Variants in NCOA7 observed in about 807,000 individuals in gnomAD.
NCOA7 encodes the protein nuclear receptor coactivator 7.
A neutral mutation model predicts 104.3 loss-of-function variants in NCOA7; 45 were observed. That is an observed-to-expected ratio of 0.43 (90% CI 0.34 to 0.55). NCOA7 has a LOEUF of 0.55. Ranked by LOEUF, NCOA7 falls within the 20% of genes least tolerant of loss-of-function variation. The pLI is 0.02. For synonymous variants in NCOA7, 398 were observed against 402.3 expected (o/e 0.99, Z 0.13); for missense variants, 1,041 against 1,119.7 (o/e 0.93, Z 1.00).
intron 10 of NCOA7, among the ~76,000 whole-genome samples, chr6:125,914,849 G>C (rs576672045): frequency 1.3e-5 from 2 of 152,168 alleles, no homozygotes; most frequent in African/African-American, 4.8e-5. Flanking sequence ...TAAAATAGTA[G>C]CCAGTATTAT....
At chr6:125,802,248 GT>G (rs1775965594) in intron 1 of NCOA7, 1 of 152,176 alleles carries the variant, frequency 6.6e-6, no homozygotes, top group African/African-American at 2.4e-5. Context: ...TTGTGATAAT[GT>G]TGCATAATTG....
intron 1 of NCOA7, among the ~76,000 whole-genome samples, chr6:125,799,846 ATGT>A (rs775154938): frequency 2.2e-4 from 34 of 152,162 alleles, no homozygotes; most frequent in Admixed American, 1.8e-3. Context: ...GGAAAATCGG[ATGT>A]TGTTGTGTTG....
intron 10 of NCOA7, among the ~76,000 whole-genome samples, chr6:125,914,203 T>C (rs1402300307): frequency 1.3e-5 from 2 of 152,012 alleles, no homozygotes; most frequent in African/African-American, 4.8e-5. Flanking sequence ...ACAAACAAAC[T>C]AAATATCCTG....
At position 125,930,831 on chromosome 6, in the gene NCOA7, T is replaced by C. The variant is rs1057315902; in HGVS notation, c.*2060T>C. 1 of 152,462 alleles carries C rather than the reference T, an allele frequency of 6.6e-6. No homozygotes were observed. The highest frequency in any genetic ancestry group is 2.1e-4 in the South Asian group (1 of 4,836). 9.4% of individuals were successfully genotyped at this position (152,462 alleles called of 1,614,324 possible). Reference sequence around the variant, plus strand: ...TTAAATAATGTGTTGGTGTGAGATATCAGGAATGTCTCATGATATCACGTT... The same window carrying C: ...TTAAATAATGTGTTGGTGTGAGATACCAGGAATGTCTCATGATATCACGTT... On this transcript the variant is annotated 3_prime_UTR_variant, in exon 16 of 16. Coordinates refer to ENST00000392477, the MANE Select transcript of NCOA7 (RefSeq NM_181782.5).
At chr6:125,916,094 GGT>G (rs1294713702) in intron 11 of NCOA7, among the ~76,000 whole-genome samples, 1 of 152,168 alleles carries the variant, frequency 6.6e-6, no homozygotes, top group African/African-American at 2.4e-5. Context: ...GGAGGCACCT[GGT>G]GGGAGGTGAT....
At chr6:125,904,063 G>C (rs1360297534) in intron 10 of NCOA7, among the ~76,000 whole-genome samples, 2 of 152,132 alleles carry the variant, frequency 1.3e-5, no homozygotes, top group African/African-American at 2.4e-5. Context: ...CACTGGGACT[G>C]CCCCACCACA....
chr6:125,804,467 G>A (rs1252170797), intron 1 of NCOA7, among the ~76,000 whole-genome samples: 1 of 152,156 alleles, frequency 6.6e-6, no homozygotes, highest in Non-Finnish European at 1.5e-5. Context: ...ACCCAGTAGT[G>A]ATTGATGGTG....
intron 1 of NCOA7, among the ~76,000 whole-genome samples, chr6:125,805,739 A>G (rs930547739): frequency 2.6e-5 from 4 of 152,306 alleles, no homozygotes; most frequent in South Asian, 2.1e-4. Flanking sequence ...TCATCTTTGT[A>G]TTCACTAGGT....
At chr6:125,786,201 C>A (rs1335671905), upstream of NCOA7, 1 of 152,148 alleles carries the variant, frequency 6.6e-6, no homozygotes, top group Non-Finnish European at 1.5e-5. Context: ...GTGTCCCAAC[C>A]GGCCTGAGTC....
chr6:125,788,246 T>C (rs568548877), upstream of NCOA7, among the ~76,000 whole-genome samples: 1 of 152,228 alleles, frequency 6.6e-6, no homozygotes, highest in East Asian at 1.9e-4. Context: ...AATTTAAATT[T>C]AAACGGCTAC....
chr6:125,879,696 A>G (rs1282633097), intron 5 of NCOA7, among the ~76,000 whole-genome samples: 4 of 152,146 alleles, frequency 2.6e-5, no homozygotes, highest in Non-Finnish European at 5.9e-5. Flanking sequence ...ATTAAAGGTC[A>G]TCATTTTAAG....
chr6:125,889,064 G>A lies in NCOA7; in HGVS notation c.1010G>A (p.Gly337Glu), dbSNP rs1230703670. The change falls in exon 9 of 16, where the codon GGA (glycine) becomes GAA (glutamate). Residue 337 changes from glycine to glutamate, a missense_variant. By Grantham distance (98) the Gly-to-Glu change is moderately conservative (BLOSUM62 -2). This residue lies in a region of NCOA7 where 914 missense variants were observed against 942.7 expected (regional missense o/e 0.97). Coordinates refer to ENST00000392477, the MANE Select transcript of NCOA7 (RefSeq NM_181782.5). ...SINKEKRQQN[G>E]EKIMTSDSRP... Reference sequence around the variant, plus strand: ...AACAAGGAAAAACGACAGCAGAATGGAGAGAAAATTATGACTTCGGATTCC... The same window carrying A: ...AACAAGGAAAAACGACAGCAGAATGAAGAGAAAATTATGACTTCGGATTCC... 6.2e-7 allele frequency: 1 copy of A among 1,614,134 alleles called. No individual in the cohort carries two copies. The highest frequency in any genetic ancestry group is 8.5e-7 in the Non-Finnish European group (1 of 1,179,982).
chr6:125,827,399 G>T (rs530468705), intron 2 of NCOA7, among the ~76,000 whole-genome samples: 1 of 152,084 alleles, frequency 6.6e-6, no homozygotes, highest in South Asian at 2.1e-4. Flanking sequence ...ATTTCAACAT[G>T]AGTTTTGGAG....
chr6:125,866,586 G>T (rs1480108511), intron 3 of NCOA7, among the ~76,000 whole-genome samples: 1 of 152,122 alleles, frequency 6.6e-6, no homozygotes, highest in Non-Finnish European at 1.5e-5. Flanking sequence ...TGCACTGGGA[G>T]ACTGTCTTTA....
chr6:125,835,623 C>T (rs1779551301), intron 2 of NCOA7, among the ~76,000 whole-genome samples: 1 of 152,218 alleles, frequency 6.6e-6, no homozygotes, highest in Non-Finnish European at 1.5e-5. Context: ...TATTAGGTCT[C>T]ACAAGTCCTG....
chr6:125,822,474 T>C (rs1312028667), intron 2 of NCOA7, among the ~76,000 whole-genome samples: 4 of 152,198 alleles, frequency 2.6e-5, no homozygotes, highest in Admixed American at 2.6e-4. Flanking sequence ...GAATCTGTTG[T>C]TCAGGAGGTG....
chr6:125,816,960 C>A (rs1024841254), intron 2 of NCOA7, among the ~76,000 whole-genome samples: 1 of 152,200 alleles, frequency 6.6e-6, no homozygotes, highest in African/African-American at 2.4e-5. Context: ...CTCTGACAAC[C>A]ACTATAATTT....
intron 13 of NCOA7, among the ~76,000 whole-genome samples, chr6:125,923,209 T>C (rs1787741345): frequency 1.3e-5 from 2 of 152,194 alleles, no homozygotes; most frequent in African/African-American, 4.8e-5. Context: ...CAGAAATAAG[T>C]TCCAGTGCCA....
chr6:125,810,049 C>G, intron 1 of NCOA7: 1 of 152,232 alleles, frequency 6.6e-6, no homozygotes, highest in East Asian at 1.9e-4. Context: ...ACTCCAGTGT[C>G]TTTCAATAAC....
Sources: gnomAD v4.1 joint callset for allele counts (sites outside exome capture counted in the v4.1 genomes callset) on GRCh38, gnomAD v4.1.1 for gene constraint, gnomAD v4.1.1 regional missense constraint, MANE v1.5 for transcripts, NCBI Gene and HGNC (gene_info 2026-07-23, HGNC 2026-07-21) for gene names.